The following EXTL3 variants were observed in gnomAD, a reference collection of about 807,000 sequenced individuals.
EXTL3 encodes the protein exostosin like glycosyltransferase 3.
A neutral mutation model predicts 69.3 loss-of-function variants in EXTL3; 27 were observed. The observed-to-expected ratio is 0.39, with a 90% CI of 0.29 to 0.54. EXTL3 has a LOEUF of 0.54. Ranked by LOEUF, EXTL3 falls within the 20% of genes least tolerant of loss-of-function variation. The probability of loss-of-function intolerance (pLI) is 0.69; values close to 1 mark genes in which losing one functional copy is unlikely to be tolerated. For synonymous variants in EXTL3, 511 were observed against 499.4 expected, an observed-to-expected ratio of 1.02 and a Z score of -0.31; for missense variants, 1,003 against 1,231.8, an observed-to-expected ratio of 0.81 and a Z score of 2.78.
At chr8:28,683,028 G>A (rs779957657) in intron 1 of EXTL3, among the ~76,000 whole-genome samples, 15 of 152,166 alleles carry the variant, frequency 9.9e-5, no homozygotes, top group East Asian at 5.8e-4. Context: ...TCTTTTTCCC[G>A]TTGTATGTTC....
intron 2 of EXTL3, among the ~76,000 whole-genome samples, chr8:28,613,484 A>G (rs556260410): frequency 1.8e-4 from 27 of 152,144 alleles, no homozygotes; most frequent in Middle Eastern, 3.4e-3. Flanking sequence ...GCCTGGCCCT[A>G]TGCTATCTTT....
chr8:28,676,551 G>A (rs6981883), intron 1 of EXTL3, among the ~76,000 whole-genome samples: 1 of 152,212 alleles, frequency 6.6e-6, no homozygotes, highest in African/African-American at 2.4e-5. Context: ...AAAGCAACTG[G>A]ACATTCTTAG....
At chr8:28,611,084 G>C (rs1036839873) in intron 2 of EXTL3, among the ~76,000 whole-genome samples, 1 of 152,160 alleles carries the variant, frequency 6.6e-6, no homozygotes, top group Non-Finnish European at 1.5e-5. Context: ...TCTCCTTGCT[G>C]CATGTGCTTG....
chr8:28,666,477 G>A (rs1807198477), intron 1 of EXTL3, among the ~76,000 whole-genome samples: 1 of 152,106 alleles, frequency 6.6e-6, no homozygotes, highest in South Asian at 2.1e-4. Context: ...ATGTTGCCCA[G>A]GCTGGTCTCA....
chr8:28,746,024 A>G (rs1266814043), intron 6 of EXTL3, among the ~76,000 whole-genome samples: 2 of 152,242 alleles, frequency 1.3e-5, no homozygotes, highest in Non-Finnish European at 2.9e-5. Context: ...TATTTACTTC[A>G]TAATAAAGAA....
In EXTL3 at chr8:28,643,524, C is replaced by T. The variant is rs549355296; in HGVS notation, c.-53+20714C>T. On this transcript the variant is annotated intron_variant, in intron 1 of 6. Transcript: ENST00000523149. ...CTGCCTCCCGGGTTTACGCCATTCT[C>T]CTGCCTCAGCCTCCCGAGTAGCTGG... is the stretch of plus-strand genomic sequence containing the variant. Among the ~76,000 whole-genome samples, 393 of 151,122 alleles carry T rather than the reference C, an allele frequency of 2.6e-3. 3 individuals carry two copies. The highest frequency in any genetic ancestry group is 9.1e-3 in the African/African-American group (373 of 40,982).
chr8:28,647,204 A>G (rs1488570480), intron 1 of EXTL3, among the ~76,000 whole-genome samples: 3 of 151,400 alleles, frequency 2.0e-5, no homozygotes, highest in Admixed American at 1.3e-4. Context: ...TCCTGGGTTC[A>G]AGCCATTGTC....
intron 1 of EXTL3, among the ~76,000 whole-genome samples, chr8:28,703,710 G>A (rs531178508): frequency 1.3e-5 from 2 of 152,260 alleles, no homozygotes; most frequent in East Asian, 3.9e-4. Context: ...AAAGGTTCGA[G>A]CGCCTTTGTA....
At chr8:28,727,773 T>C (rs952147538) in intron 3 of EXTL3, among the ~76,000 whole-genome samples, 5 of 152,314 alleles carry the variant, frequency 3.3e-5, no homozygotes, top group Admixed American at 6.5e-5. Flanking sequence ...CCATTTAATG[T>C]GCACAGGAAT....
upstream of EXTL3, among the ~76,000 whole-genome samples, chr8:28,622,313 C>G (rs939794308): frequency 2.6e-5 from 4 of 152,260 alleles, no homozygotes; most frequent in Non-Finnish European, 5.9e-5. Flanking sequence ...GACCGGCGCC[C>G]TCTGCGCTAG....
At position 28,623,849 on chromosome 8, in the gene EXTL3, C is replaced by T. The variant is rs529584323; in HGVS notation, c.-53+1039C>T. Among the ~76,000 whole-genome samples the T allele has an allele frequency of 3.3e-5, 5 of 152,100 alleles. No homozygotes were observed. The highest frequency in any genetic ancestry group is 7.3e-5 in the Non-Finnish European group (5 of 68,034). On this transcript the variant is annotated intron_variant, in intron 1 of 6. Coordinates refer to the EXTL3 transcript ENST00000523149. This position sits in a 1 kb window ranked among gnomAD's most constrained non-coding sequence, Gnocchi z 4.2. ...GATCCTCCTTAACAAATTTGCTGCTCGTAAAAGGCAGCAGATGGGAAATCA... is the reference window on the plus strand; with the variant it reads ...GATCCTCCTTAACAAATTTGCTGCTTGTAAAAGGCAGCAGATGGGAAATCA...
chr8:28,711,159 C>A (rs1430950975), intron 1 of EXTL3, among the ~76,000 whole-genome samples: 1 of 152,152 alleles, frequency 6.6e-6, no homozygotes, highest in Non-Finnish European at 1.5e-5. Flanking sequence ...TTGTTTGTAG[C>A]CTGCAGGGAC....
At chr8:28,713,653 A>C in intron 2 of EXTL3, 103 bp downstream of exon 2, 1 of 648,504 alleles carries the variant, frequency 1.5e-6, no homozygotes, top group Non-Finnish European at 2.8e-6. Context: ...AGTGCAAAGA[A>C]GATTCTTTTG....
At chr8:28,719,980 A>G (rs1040706568) in intron 3 of EXTL3, among the ~76,000 whole-genome samples, 2 of 152,204 alleles carry the variant, frequency 1.3e-5, no homozygotes, top group Non-Finnish European at 2.9e-5. Context: ...AATGCCAGAA[A>G]CTTTACAGAT....
At position 28,717,787 on chromosome 8, in the gene EXTL3, G is replaced by T; in HGVS notation, c.1728G>T (p.Gly576=). The change falls in exon 3 of 7, where the codon GGG becomes GGT. Residue 576 remains glycine (G), a synonymous_variant. Coordinates refer to ENST00000220562, the MANE Select transcript of EXTL3 (RefSeq NM_001440.4). The surrounding 1 kb of genome is among the most constrained non-coding windows in gnomAD (Gnocchi z 8.3). ...NMADNGDLDL[G]PVETEPPYAS... is the part of the protein sequence containing the mutation. ...CTGACAACGGGGACCTGGACCTGGG[G>T]CCAGTGGAGACGGAGCCGCCCTACG... 6.2e-7 allele frequency: 1 copy of T among 1,613,578 alleles called. No homozygotes were observed. Among genetic ancestry groups the T allele is most frequent in the South Asian group, 1.1e-5 (1 of 91,080 alleles).
chr8:28,608,076 C>G (rs529805575), intron 2 of EXTL3, among the ~76,000 whole-genome samples: 32 of 150,758 alleles, frequency 2.1e-4, no homozygotes, highest in Non-Finnish European at 3.7e-4. Flanking sequence ...TGCCACTGCA[C>G]TCCAGCCTGG....
At chr8:28,742,731 CTTTT>C (rs1170200889) in intron 5 of EXTL3, 123 of 260,264 alleles carry the variant, frequency 4.7e-4, no homozygotes, top group Non-Finnish European at 6.4e-4. Flanking sequence ...TCTCACTTAT[CTTTT>C]TTTTTTTTTT....
chr8:28,643,878 C>G (rs1415528303), intron 1 of EXTL3, among the ~76,000 whole-genome samples: 14 of 152,056 alleles, frequency 9.2e-5, no homozygotes, highest in Non-Finnish European at 1.6e-4. Flanking sequence ...TGAACCTCCC[C>G]CCTGAGCCTC....
intron 2 of EXTL3, among the ~76,000 whole-genome samples, chr8:28,613,622 C>G (rs767402563): frequency 2.0e-5 from 3 of 152,114 alleles, no homozygotes; most frequent in Non-Finnish European, 4.4e-5. Flanking sequence ...CTGGTGCTTT[C>G]TGTTTTGGAA....
Sources: gnomAD v4.1 joint callset for allele counts (sites outside exome capture counted in the v4.1 genomes callset) on GRCh38, gnomAD v4.1.1 for gene constraint, Gnocchi (gnomAD v3.1) non-coding constraint, MANE v1.5 for transcripts, NCBI Gene and HGNC (gene_info 2026-07-23, HGNC 2026-07-21) for gene names.